PDE1A: variants seen among roughly 807,000 people sequenced by gnomAD.
The protein encoded by PDE1A is phosphodiesterase 1A, also known as dual specificity calcium/calmodulin-dependent 3',5'-cyclic nucleotide phosphodiesterase 1A.
PDE1A carries 35 observed loss-of-function variants against 61.7 expected under a neutral mutation model. The ratio of observed to expected loss-of-function variants is 0.57; its 90% CI spans 0.43 to 0.75. The LOEUF is 0.75. Among genes scored for constraint, PDE1A ranks in the 30% least tolerant of loss-of-function variants. The pLI is 0.00. For missense variants in PDE1A, 597 were observed against 630.6 expected (o/e 0.95, Z 0.57); for synonymous variants, 232 against 213.2 (o/e 1.09, Z -0.77).
intron 2 of PDE1A, among the ~76,000 whole-genome samples, chr2:182,450,432 T>G (rs568430705): frequency 6.6e-6 from 1 of 152,218 alleles, no homozygotes; most frequent in African/African-American, 2.4e-5. Flanking sequence ...CTCCACCTCA[T>G]GTCATGTGCC....
chr2:182,170,397 C>T (rs1692091288), intron 13 of PDE1A, among the ~76,000 whole-genome samples: 1 of 152,016 alleles, frequency 6.6e-6, no homozygotes, highest in African/African-American at 2.4e-5. Context: ...TATAACTAAT[C>T]TTATGAGCAC....
intron 1 of PDE1A, among the ~76,000 whole-genome samples, chr2:182,344,975 T>C (rs769629260): frequency 8.6e-5 from 13 of 152,024 alleles, no homozygotes; most frequent in Non-Finnish European, 1.5e-4. Context: ...TTCAGTGCAC[T>C]GTCTTTTCCT....
intron 2 of PDE1A, among the ~76,000 whole-genome samples, chr2:182,255,760 C>T (rs1244557169): frequency 2.0e-5 from 3 of 150,728 alleles, no homozygotes; most frequent in Non-Finnish European, 3.0e-5. Context: ...TGAGTTCAAG[C>T]GATTCTCCTG....
At chr2:182,630,508 A>G in the PDE1A span, among the ~76,000 whole-genome samples, 2 of 152,146 alleles carry the variant, frequency 1.3e-5, no homozygotes, top group South Asian at 4.1e-4. Flanking sequence ...AAATTACAGC[A>G]TGTTCTCACA....
rs191104022 is a variant in PDE1A at position 182,168,308 on chromosome 2, G to T, written c.1517-18C>A. The T allele has an allele frequency of 5.3e-6, 8 of 1,522,006 alleles. No homozygotes were observed. In the African/African-American group the frequency reaches 5.7e-5, roughly 11 times the overall value. 94.3% of individuals were successfully genotyped at this position (1,522,006 alleles called of 1,614,324 possible). A position where few individuals can be genotyped will look rare whatever the true frequency, so the allele number is the denominator to read the frequency against. ...TCTTGCTTCTGAAAAAAAAAAAAGC[G>T]TACTTATTTTAATAATTTAGAGAAA... On this transcript the variant is annotated intron_variant, in intron 13 of 13. Coordinates refer to ENST00000351439, the Ensembl canonical transcript of PDE1A.
chr2:182,708,963 A>G, the PDE1A span, among the ~76,000 whole-genome samples: 1 of 152,252 alleles, frequency 6.6e-6, no homozygotes, highest in African/African-American at 2.4e-5. Context: ...TATTTTGATG[A>G]TCATTATTTC....
the PDE1A span, among the ~76,000 whole-genome samples, chr2:182,600,837 T>C: frequency 6.6e-6 from 1 of 152,208 alleles, no homozygotes; most frequent in African/African-American, 2.4e-5. Context: ...CAACACTGAT[T>C]CTGGGCTGGG....
chr2:182,209,729 G>A (rs1663992058), intron 7 of PDE1A, among the ~76,000 whole-genome samples: 1 of 151,892 alleles, frequency 6.6e-6, no homozygotes. Flanking sequence ...TTGCCACCAT[G>A]TGAAAATATG....
the PDE1A span, among the ~76,000 whole-genome samples, chr2:182,710,102 G>T: frequency 6.6e-6 from 1 of 152,112 alleles, no homozygotes; most frequent in East Asian, 1.9e-4. Flanking sequence ...TCACCATGTT[G>T]GCCAGGATGG....
At chr2:182,468,091 A>G (rs1014458918) in intron 2 of PDE1A, among the ~76,000 whole-genome samples, 1 of 152,084 alleles carries the variant, frequency 6.6e-6, no homozygotes, top group African/African-American at 2.4e-5. Context: ...TTGCTGAGTG[A>G]TCAGGACGGT....
intron 1 of PDE1A, among the ~76,000 whole-genome samples, chr2:182,356,575 C>A (rs1002687984): frequency 2.6e-5 from 4 of 151,934 alleles, no homozygotes; most frequent in African/African-American, 7.3e-5. Flanking sequence ...CATGGAGAAA[C>A]CCCATCTCCA....
In PDE1A at chr2:182,230,028, A is replaced by G. The variant is rs375462173; in HGVS notation, c.653T>C (p.Ile218Thr). The change falls in exon 6 of 14, where the codon ATA (isoleucine) becomes ACA (threonine). Residue 218 changes from isoleucine to threonine, a missense_variant. Physicochemically the swap from Ile to Thr is moderately conservative, Grantham distance 89. Transcript: ENST00000351439. ...TACCATGATACCTGTATGAAGCATT[A>G]TGTAATGCACAGTTTGAGTGACATC... 9.9e-6 allele frequency: 16 copies of G among 1,612,828 alleles called. No individual in the cohort carries two copies. Among genetic ancestry groups the G allele is most frequent in the African/African-American group, 2.7e-5 (2 of 74,884 alleles).
At chr2:182,336,973 T>A (rs79383939) in intron 1 of PDE1A, among the ~76,000 whole-genome samples, 1 of 24,132 alleles carries the variant, frequency 4.1e-5, no homozygotes, top group Non-Finnish European at 2.0e-4. Flanking sequence ...TTTTTTTTTT[T>A]TTTAAATAAA....
the PDE1A span, among the ~76,000 whole-genome samples, chr2:182,562,193 T>C: frequency 6.6e-6 from 1 of 152,100 alleles, no homozygotes; most frequent in Non-Finnish European, 1.5e-5. Flanking sequence ...GGCTGTGGGT[T>C]TGTCAGATAG....
At position 182,365,987 on chromosome 2, in the gene PDE1A, G is replaced by A. The variant is rs75591262; in HGVS notation, c.53+60591C>T. 6.0e-4 allele frequency among the ~76,000 whole-genome samples: 91 copies of A among 152,134 alleles called. No individual in the cohort carries two copies. The East Asian group carries it at 8.1e-3, about 14-fold the overall frequency. On this transcript the variant is annotated intron_variant, in intron 1 of 13. Transcript: ENST00000351439. Reference sequence around the variant, plus strand: ...TAAGAGATGCTAAAAGGAGTGCAACGTGCAGGAATTTGCCTCCTGAGTACT... The same window carrying A: ...TAAGAGATGCTAAAAGGAGTGCAACATGCAGGAATTTGCCTCCTGAGTACT...
intron 13 of PDE1A, among the ~76,000 whole-genome samples, chr2:182,173,928 A>G (rs1991766): frequency 0.2 from 31,127 of 152,052 alleles, 3,430 homozygotes; most frequent in East Asian, 0.33. Flanking sequence ...AGTAACATTG[A>G]CATGTTTTCG....
At chr2:182,640,368 T>C in the PDE1A span, among the ~76,000 whole-genome samples, 1 of 152,178 alleles carries the variant, frequency 6.6e-6, no homozygotes, top group Non-Finnish European at 1.5e-5. Context: ...ATGTAAATAT[T>C]ACATGCTCTG....
chr2:182,520,471 C>T (rs1690497078), intron 2 of PDE1A, among the ~76,000 whole-genome samples: 1 of 151,860 alleles, frequency 6.6e-6, no homozygotes, highest in African/African-American at 2.4e-5. Context: ...TTTGCATGTA[C>T]ATATTTTCAT....
the PDE1A span, among the ~76,000 whole-genome samples, chr2:182,643,342 C>G: frequency 1.3e-5 from 2 of 152,248 alleles, no homozygotes; most frequent in Admixed American, 1.3e-4. Flanking sequence ...AGCAGGGAGC[C>G]AGGTCTGCCG....
Sources: allele counts gnomAD v4.1 joint callset (sites outside exome capture counted in the v4.1 genomes callset), GRCh38; gene constraint gnomAD v4.1.1; transcripts MANE v1.5; gene names NCBI Gene and HGNC (gene_info 2026-07-23, HGNC 2026-07-21).